The following SLC38A1 variants were observed in gnomAD, a reference collection of about 807,000 sequenced individuals.
The protein encoded by SLC38A1 is sodium-coupled neutral amino acid symporter 1.
SLC38A1 carries 18 observed loss-of-function variants against 60.3 expected under a neutral mutation model. The observed-to-expected ratio is 0.30, with a 90% CI of 0.21 to 0.44. SLC38A1 has a LOEUF of 0.44. Among genes scored for constraint, SLC38A1 ranks in the 20% least tolerant of loss-of-function variants. The pLI, the probability that SLC38A1 is intolerant of heterozygous loss-of-function variation, is 1.00. For synonymous variants in SLC38A1, 196 were observed against 212.1 expected (o/e 0.92, Z 0.66); for missense variants, 448 against 587.2 (o/e 0.76, Z 2.45).
rs1287191431 is a variant in SLC38A1 at position 46,188,764 on chromosome 12, A to T, written c.*206T>A. 2.2e-6 allele frequency: 1 copy of T among 453,434 alleles called. No individual in the cohort carries two copies. Among genetic ancestry groups the T allele is most frequent in the Non-Finnish European group, 4.0e-6 (1 of 252,746 alleles). 28.1% of individuals were successfully genotyped at this position (453,434 alleles called of 1,614,324 possible). ...TGAAATTTGAAAAAAAAATTTCACA[A>T]TCCCTAAATTGATCTCAAATCTTGG... On this transcript the variant is annotated 3_prime_UTR_variant, in exon 17 of 17. Transcript: ENST00000398637.
chr12:46,221,202 C>T (rs1940643989), intron 5 of SLC38A1, among the ~76,000 whole-genome samples: 1 of 152,082 alleles, frequency 6.6e-6, no homozygotes, highest in Non-Finnish European at 1.5e-5. Context: ...GAGAGACAGA[C>T]AGAGAGACAG....
intron 1 of SLC38A1, among the ~76,000 whole-genome samples, chr12:46,262,574 T>C (rs1201877566): frequency 6.6e-6 from 1 of 152,236 alleles, no homozygotes; most frequent in African/African-American, 2.4e-5. Flanking sequence ...TATTTGCATA[T>C]ATGTTTTTTG....
chr12:46,256,082 C>A (rs963268095), intron 1 of SLC38A1, among the ~76,000 whole-genome samples: 2 of 148,922 alleles, frequency 1.3e-5, no homozygotes, highest in Non-Finnish European at 3.0e-5. Context: ...AGGAGAATGG[C>A]GTGAACCTAG....
chr12:46,246,894 C>A (rs1363590246), intron 1 of SLC38A1, among the ~76,000 whole-genome samples: 1 of 152,194 alleles, frequency 6.6e-6, no homozygotes, highest in African/African-American at 2.4e-5. Flanking sequence ...CAAACAGGGT[C>A]TGGAAAGAAC....
At chr12:46,243,742 G>A (rs879423803) in intron 1 of SLC38A1, among the ~76,000 whole-genome samples, 5 of 152,136 alleles carry the variant, frequency 3.3e-5, no homozygotes, top group Non-Finnish European at 7.4e-5. Context: ...TGAAGATCTT[G>A]GTGTTAACAC....
In SLC38A1 at chr12:46,265,159, T is replaced by C. The variant is rs1942313962; in HGVS notation, c.-209+3367A>G. On this transcript the variant is annotated intron_variant, in intron 1 of 16. Coordinates refer to ENST00000398637, the MANE Select transcript of SLC38A1 (RefSeq NM_030674.4). Reference sequence around the variant, plus strand: ...CTTTACCATCACTCAGTAAAGTGGGTACCACCAACACTACCACCAGCATCA... The same window carrying C: ...CTTTACCATCACTCAGTAAAGTGGGCACCACCAACACTACCACCAGCATCA... Among the ~76,000 whole-genome samples, 4 of 152,310 alleles carry C rather than the reference T, an allele frequency of 2.6e-5. No homozygotes were observed. The South Asian group carries it at 8.3e-4, about 32-fold the overall frequency.
intron 13 of SLC38A1, among the ~76,000 whole-genome samples, chr12:46,199,578 C>T (rs960045705): frequency 4.7e-5 from 7 of 150,346 alleles, no homozygotes; most frequent in African/African-American, 7.4e-5. Context: ...AGGCTGGTCT[C>T]GAACTCCTGG....
intron 5 of SLC38A1, among the ~76,000 whole-genome samples, chr12:46,210,169 C>T (rs569828541): frequency 1.5e-3 from 233 of 152,332 alleles, no homozygotes; most frequent in Admixed American, 2.5e-3. Context: ...CTGCTCTAGG[C>T]CCCAGCTCAG....
chr12:46,268,703 G>C lies in SLC38A1; in HGVS notation c.-386C>G, dbSNP rs190846430. Reference sequence around the variant, plus strand: ...GCTTGGCGTGGCCTGGCGGATTTCGGAGGAAGGTGAAGGGCGGAGGCTCCT... The same window carrying C: ...GCTTGGCGTGGCCTGGCGGATTTCGCAGGAAGGTGAAGGGCGGAGGCTCCT... On this transcript the variant is annotated 5_prime_UTR_variant, in exon 1 of 17. Transcript: ENST00000398637. This position sits in a 1 kb window ranked among gnomAD's most constrained non-coding sequence, Gnocchi z 4.4. 355 of 286,660 alleles carry C rather than the reference G, an allele frequency of 1.2e-3. No individual in the cohort carries two copies. The highest frequency in any genetic ancestry group is 7.2e-3 in the African/African-American group (326 of 45,032). The allele number at this position is 286,660 out of a possible 1,614,324, so 17.8% of individuals were successfully genotyped here.
At chr12:46,234,969 TA>T (rs1041780356) in intron 3 of SLC38A1, among the ~76,000 whole-genome samples, 2 of 152,104 alleles carry the variant, frequency 1.3e-5, no homozygotes, top group African/African-American at 2.4e-5. Flanking sequence ...AAAATATTAT[TA>T]AAAAAAGAGT....
intron 1 of SLC38A1, among the ~76,000 whole-genome samples, chr12:46,251,005 A>G (rs1941818096): frequency 2.6e-5 from 4 of 152,224 alleles, no homozygotes; most frequent in African/African-American, 9.7e-5. Context: ...TTTAAAGTTC[A>G]TATGGAACCA....
chr12:46,229,758 G>A, intron 3 of SLC38A1, 119 bp from the exon 4 acceptor site: 1 of 874,734 alleles, frequency 1.1e-6, no homozygotes, highest in Non-Finnish European at 1.8e-6. Context: ...AGCTCTCTAA[G>A]AGTTTACAGC....
rs192357065 is a variant in SLC38A1 at position 46,237,407 on chromosome 12, A to G, written c.122+2272T>C. Among the ~76,000 whole-genome samples, 17 of 148,930 alleles carry G rather than the reference A, an allele frequency of 1.1e-4. No homozygotes were observed. In the East Asian group the frequency reaches 3.3e-3, roughly 29 times the overall value. On this transcript the variant is annotated intron_variant, in intron 3 of 16. Coordinates refer to ENST00000398637, the MANE Select transcript of SLC38A1 (RefSeq NM_030674.4). ...TTTTCTTTATTAGCTTCATGCTATA[A>G]CATGTTGTTTTTAATTGTGTTAGAG... is the stretch of plus-strand genomic sequence containing the variant.
chr12:46,213,621 A>G (rs1592095655), intron 5 of SLC38A1, among the ~76,000 whole-genome samples: 1 of 152,272 alleles, frequency 6.6e-6, no homozygotes, highest in East Asian at 1.9e-4. Context: ...CAAGTGCCCT[A>G]TCATTTCTAT....
chr12:46,215,126 G>A (rs1940347257), intron 5 of SLC38A1, among the ~76,000 whole-genome samples: 1 of 152,322 alleles, frequency 6.6e-6, no homozygotes, highest in Admixed American at 6.5e-5. Context: ...CCTGGAAGCA[G>A]CAAAACTGAA....
At chr12:46,193,507 A>C (rs1939233179) in intron 16 of SLC38A1, among the ~76,000 whole-genome samples, 1 of 152,134 alleles carries the variant, frequency 6.6e-6, no homozygotes. Context: ...TGTCTCGTTG[A>C]TCTGTCTAAT....
chr12:46,225,347 T>A lies in SLC38A1; in HGVS notation c.314+3806A>T, dbSNP rs10880942. Among the ~76,000 whole-genome samples, 15 of 152,184 alleles carry A rather than the reference T, an allele frequency of 9.9e-5. No individual in the cohort carries two copies. The East Asian group carries it at 1.7e-3, about 18-fold the overall frequency. On this transcript the variant is annotated intron_variant, in intron 5 of 16. Transcript: ENST00000398637. ...TAAAGCTGACTGGTTGGTCCTCCCCTATCCTGGCAACAATCTGAATATATG... is the reference window on the plus strand; with the variant it reads ...TAAAGCTGACTGGTTGGTCCTCCCCAATCCTGGCAACAATCTGAATATATG...
intron 5 of SLC38A1, among the ~76,000 whole-genome samples, chr12:46,211,390 T>C (rs1365780067): frequency 6.6e-6 from 1 of 152,202 alleles, no homozygotes; most frequent in East Asian, 1.9e-4. Flanking sequence ...TCTATGTGCC[T>C]AGCAGGAGGG....
chr12:46,236,399 G>A (rs1409157348), intron 3 of SLC38A1, among the ~76,000 whole-genome samples: 1 of 152,110 alleles, frequency 6.6e-6, no homozygotes, highest in African/African-American at 2.4e-5. Context: ...CAGAGCCTAT[G>A]TTCTTAACCT....
Sources: gnomAD v4.1 joint callset for allele counts (sites outside exome capture counted in the v4.1 genomes callset) on GRCh38, gnomAD v4.1.1 for gene constraint, Gnocchi (gnomAD v3.1) non-coding constraint, MANE v1.5 for transcripts, NCBI Gene and HGNC (gene_info 2026-07-23, HGNC 2026-07-21) for gene names.